The following TOPBP1 variants were observed in gnomAD, a reference collection of about 807,000 sequenced individuals.
TOPBP1 encodes DNA topoisomerase II binding protein 1, also known as DNA topoisomerase 2-binding protein 1.
In TOPBP1, 28 loss-of-function variants were observed where a neutral mutation model predicts 167.7. The observed-to-expected ratio is 0.17, with a 90% CI of 0.12 to 0.23. The LOEUF (loss-of-function observed/expected upper bound fraction) is 0.23. Among genes scored for constraint, TOPBP1 ranks in the 10% least tolerant of loss-of-function variants. The pLI is 1.00. For missense variants in TOPBP1, 1,554 were observed against 1,809.6 expected, an observed-to-expected ratio of 0.86 and a Z score of 2.56; for synonymous variants, 598 against 611.4, an observed-to-expected ratio of 0.98 and a Z score of 0.32.
At chr3:133,618,530 T>C in intron 20 of TOPBP1, 97 bp from the exon 21 acceptor site, 5 of 1,045,680 alleles carry the variant, frequency 4.8e-6, no homozygotes, top group Non-Finnish European at 7.2e-6. Flanking sequence ...CTCACCTTTA[T>C]ATGCCCACCA....
rs368494190 is a variant in TOPBP1, at chr3:133,604,534, A to G, written c.4426-3141T>C. 1.9e-4 allele frequency among the ~76,000 whole-genome samples: 29 copies of G among 152,074 alleles called. 1 individual carries two copies. The highest frequency in any genetic ancestry group is 6.7e-4 in the African/African-American group (28 of 41,524). ...ATGAAATGGATATATTATTTGAAAA[A>G]CACCAGTTATTAAAAACTGACATAA... On this transcript the variant is annotated intron_variant, in intron 27 of 27. Coordinates refer to ENST00000260810, the MANE Select transcript of TOPBP1 (RefSeq NM_007027.4).
chr3:133,647,106 A>T (rs1936100790), intron 10 of TOPBP1, among the ~76,000 whole-genome samples: 1 of 152,188 alleles, frequency 6.6e-6, no homozygotes, highest in Admixed American at 6.5e-5. Context: ...CCATGAAGAG[A>T]CATATCTTTA....
chr3:133,642,185 C>T (rs974856542), intron 12 of TOPBP1, among the ~76,000 whole-genome samples: 8 of 151,958 alleles, frequency 5.3e-5, no homozygotes, highest in African/African-American at 9.6e-5. Flanking sequence ...TAAATAGAGA[C>T]GAGGTCTCAC....
intron 16 of TOPBP1, among the ~76,000 whole-genome samples, chr3:133,626,034 T>C (rs1935256175): frequency 6.6e-6 from 1 of 152,158 alleles, no homozygotes; most frequent in South Asian, 2.1e-4. Flanking sequence ...GAACAGACTG[T>C]CAGTGGTTGT....
At chr3:133,610,502 T>C (rs757272869) in intron 25 of TOPBP1, among the ~76,000 whole-genome samples, 1 of 149,994 alleles carries the variant, frequency 6.7e-6, no homozygotes, top group Non-Finnish European at 1.5e-5. Flanking sequence ...GCAATTACAA[T>C]GCAAAACAGA....
At chr3:133,626,622 G>C (rs1339646271) in intron 16 of TOPBP1, among the ~76,000 whole-genome samples, 4 of 152,190 alleles carry the variant, frequency 2.6e-5, no homozygotes, top group Non-Finnish European at 5.9e-5. Flanking sequence ...CATGGTATCT[G>C]AGTCCCCAGA....
At chr3:133,612,207 A>C (rs1934704329) in intron 24 of TOPBP1, among the ~76,000 whole-genome samples, 182 bp downstream of exon 24, 1 of 151,800 alleles carries the variant, frequency 6.6e-6, no homozygotes, top group Non-Finnish European at 1.5e-5. Context: ...ATGCCTGGCT[A>C]ATCTTTGTAG....
At chr3:133,619,758 T>C (rs1035152799) in intron 20 of TOPBP1, among the ~76,000 whole-genome samples, 12 of 152,200 alleles carry the variant, frequency 7.9e-5, no homozygotes, top group Non-Finnish European at 1.3e-4. Flanking sequence ...CATTTCTTTC[T>C]CAACGGAGGT....
chr3:133,621,589 T>C (rs1417665357), intron 19 of TOPBP1, among the ~76,000 whole-genome samples: 1 of 152,230 alleles, frequency 6.6e-6, no homozygotes, highest in African/African-American at 2.4e-5. Flanking sequence ...ATTTTATACA[T>C]AAGGAACTTA....
Position 133,655,401 on chromosome 3 carries a change from A to G in TOPBP1, c.631T>C (p.Cys211Arg). ...TGAACTTCTTTCCTGTCTAAGCCAC[A>G]TAAGCCAGTCACACAGATTATGCAA... The part of the protein sequence containing the change: ...LGCIICVTGL[C>R]GLDRKEVQQL... The change falls in exon 6 of 28, where the codon TGT becomes CGT. Residue 211 changes from cysteine (C) to arginine (R), a missense_variant. Cys to Arg is a radical substitution (Grantham distance 180). Around this residue, in one of 3 missense-constraint regions of TOPBP1, gnomAD observed 1,197 missense variants for 1,351.5 expected, o/e 0.89. Coordinates refer to ENST00000260810, the MANE Select transcript of TOPBP1 (RefSeq NM_007027.4). The G allele has an allele frequency of 6.2e-7, 1 of 1,606,482 alleles. No individual in the cohort carries two copies. Among genetic ancestry groups the G allele is most frequent in the Admixed American group, 1.7e-5 (1 of 58,870 alleles).
chr3:133,607,188 AATATTT>A (rs2107768630), intron 27 of TOPBP1, among the ~76,000 whole-genome samples: 1 of 152,242 alleles, frequency 6.6e-6, no homozygotes, highest in East Asian at 1.9e-4. Flanking sequence ...CAGATTTTGG[AATATTT>A]ATATTTACTG....
chr3:133,643,257 T>C lies in TOPBP1; in HGVS notation c.1964A>G (p.Gln655Arg). ...AGACTCTTTTTCTGCTCCAGCACAC[T>C]GGCTAAATGAAATAACACAATCCTC... is the stretch of plus-strand genomic sequence containing the variant. ...PLEDCVISFS[Q>R]CAGAEKESLT... Residue 655 changes from glutamine to arginine, a missense_variant, in exon 12 of 28, where the codon CAG becomes CGG. This residue lies in a region of TOPBP1 where 1,197 missense variants were observed against 1,351.5 expected (regional missense o/e 0.89). Coordinates refer to ENST00000260810, the MANE Select transcript of TOPBP1 (RefSeq NM_007027.4). 1 of 1,611,436 alleles carries C rather than the reference T, an allele frequency of 6.2e-7. No homozygotes were observed. The highest frequency in any genetic ancestry group is 8.5e-7 in the Non-Finnish European group (1 of 1,178,956).
chr3:133,601,374 T>A lies in TOPBP1; in HGVS notation c.4445A>T (p.Glu1482Val). Residue 1482 changes from glutamate (E) to valine (V), a missense_variant, in exon 28 of 28, where the codon GAA becomes GTA. Glu to Val is a moderately radical substitution (Grantham distance 121). Around this residue, in one of 3 missense-constraint regions of TOPBP1, gnomAD observed 351 missense variants for 432.9 expected, o/e 0.81. Transcript: ENST00000260810. ...YLMQESPPHV[E>V]NYCLPEAISF... Reference sequence around the variant, plus strand: ...AATAGCTTCTGGTAGACAGTAATTTTCTACATGAGGAGGTGATTCCTATAA... The same window carrying A: ...AATAGCTTCTGGTAGACAGTAATTTACTACATGAGGAGGTGATTCCTATAA... The A allele has an allele frequency of 6.5e-7, 1 of 1,549,524 alleles. No homozygotes were observed. Among genetic ancestry groups the A allele is most frequent in the Non-Finnish European group, 8.7e-7 (1 of 1,148,016 alleles).
Position 133,644,377 on chromosome 3 carries a change from GT to G in TOPBP1, c.1505-15del. ...TCTTAGCCTCAACTGAAAGAGAAAA[GT>G]AAATGTTTTCTAACCAACAATTTAC... On this transcript the variant is annotated splice_polypyrimidine_tract_variant and intron_variant, in intron 10 of 27. Coordinates refer to ENST00000260810, the MANE Select transcript of TOPBP1 (RefSeq NM_007027.4). 6.5e-7 allele frequency: 1 copy of G among 1,536,272 alleles called. No homozygotes were observed.
chr3:133,619,709 C>A (rs1935020529), intron 20 of TOPBP1, among the ~76,000 whole-genome samples: 1 of 152,222 alleles, frequency 6.6e-6, no homozygotes, highest in Non-Finnish European at 1.5e-5. Context: ...GAACTGCCTA[C>A]TGAATCCATT....
chr3:133,660,137 A>C (rs758208530), intron 2 of TOPBP1, among the ~76,000 whole-genome samples: 3 of 152,184 alleles, frequency 2.0e-5, no homozygotes, highest in African/African-American at 4.8e-5. Flanking sequence ...CTCTGCCTGC[A>C]ACATTCTTCT....
Position 133,601,389 on chromosome 3 carries a change from G to T in TOPBP1, c.4430C>A (p.Ser1477Ter). 1 of 1,516,714 alleles carries T rather than the reference G, an allele frequency of 6.6e-7. No homozygotes were observed. The highest frequency in any genetic ancestry group is 1.3e-5 in the South Asian group (1 of 79,060). The allele number at this position is 1,516,714 out of a possible 1,614,324, so 94.0% of individuals were successfully genotyped here. Residue 1477 changes from serine to a stop codon, truncating the protein, a stop_gained, in exon 28 of 28, where the codon TCA (serine) becomes TAA (stop). Coordinates refer to ENST00000260810, the MANE Select transcript of TOPBP1 (RefSeq NM_007027.4). LOFTEE classifies it high-confidence loss of function. ...EYIADYLMQE[S>*]PPHVENYCLP... ...ACAGTAATTTTCTACATGAGGAGGTGATTCCTATAAAAGGAAAAATAAGTG... is the reference window on the plus strand; with the variant it reads ...ACAGTAATTTTCTACATGAGGAGGTTATTCCTATAAAAGGAAAAATAAGTG...
At chr3:133,626,494 ATTAG>A (rs1559816357) in intron 16 of TOPBP1, among the ~76,000 whole-genome samples, 2 of 152,184 alleles carry the variant, frequency 1.3e-5, no homozygotes, top group East Asian at 3.8e-4. Context: ...GTTGTTTATA[ATTAG>A]TTGAGTCTAG....
chr3:133,612,271 C>CT, intron 24 of TOPBP1, 118 bp downstream of exon 24: 1 of 1,137,870 alleles, frequency 8.8e-7, no homozygotes. Context: ...AACTCCTGAT[C>CT]TCAGGTGATC....
Sources: gnomAD v4.1 joint callset for allele counts (sites outside exome capture counted in the v4.1 genomes callset) on GRCh38, gnomAD v4.1.1 for gene constraint, gnomAD v4.1.1 regional missense constraint, MANE v1.5 for transcripts, NCBI Gene and HGNC (gene_info 2026-07-23, HGNC 2026-07-21) for gene names.